Variants in IFT122 observed in about 807,000 individuals in gnomAD.
IFT122 encodes the protein intraflagellar transport 122.
In IFT122, 118 loss-of-function variants were observed where a neutral mutation model predicts 161.6. The ratio of observed to expected loss-of-function variants is 0.73; its 90% CI spans 0.63 to 0.85. The LOEUF (loss-of-function observed/expected upper bound fraction) is 0.85, where lower values mean the gene tolerates loss of function less well. IFT122 is among the 40% of genes least tolerant of loss of function. The probability of loss-of-function intolerance (pLI) is 0.00; values close to 1 mark genes in which losing one functional copy is unlikely to be tolerated. For missense variants in IFT122, 1,381 were observed against 1,579.6 expected, an observed-to-expected ratio of 0.87 and a Z score of 2.13; for synonymous variants, 550 against 602.4, an observed-to-expected ratio of 0.91 and a Z score of 1.27.
chr3:129,515,987 C>G (rs1000297029), intron 26 of IFT122, among the ~76,000 whole-genome samples: 10 of 152,070 alleles, frequency 6.6e-5, no homozygotes, highest in Non-Finnish European at 1.5e-4. Flanking sequence ...GCCACACACA[C>G]ACACAGACAC....
rs1230132665 is a variant in IFT122 at position 129,515,619 on chromosome 3, G to A, written c.3265+20G>A. 5.5e-6 allele frequency: 8 copies of A among 1,464,720 alleles called. No homozygotes were observed. The highest frequency in any genetic ancestry group is 7.7e-6 in the Non-Finnish European group (8 of 1,045,596). The allele number at this position is 1,464,720 out of a possible 1,614,324, so 90.7% of individuals were successfully genotyped here. A position where few individuals can be genotyped will look rare whatever the true frequency, so the allele number is the denominator to read the frequency against. ...CCTACGGTGAGTCCCTGCATCCTGA[G>A]CATGTGGGTGGGACAGCCTGTGGAC... On this transcript the variant is annotated intron_variant, in intron 26 of 29. Transcript: ENST00000348417.
intron 16 of IFT122, among the ~76,000 whole-genome samples, chr3:129,490,901 C>G (rs1167944124): frequency 6.6e-6 from 1 of 152,222 alleles, no homozygotes; most frequent in African/African-American, 2.4e-5. Context: ...GGTTCTGACT[C>G]TGATGCCTCC....
intron 4 of IFT122, chr3:129,459,517 C>T: frequency 4.0e-6 from 1 of 247,396 alleles, no homozygotes; most frequent in South Asian, 3.5e-5. Context: ...TCTCGATCTC[C>T]TGACTACATC....
intron 25 of IFT122, chr3:129,515,263 T>G (rs2083345805): frequency 1.6e-6 from 1 of 618,522 alleles, no homozygotes; most frequent in African/African-American, 1.8e-5. Context: ...CCTGTGCAGG[T>G]GTCTTGGGCA....
At chr3:129,494,077 G>A (rs1458843635) in intron 17 of IFT122, among the ~76,000 whole-genome samples, 3 of 152,160 alleles carry the variant, frequency 2.0e-5, no homozygotes, top group Non-Finnish European at 1.5e-5. Context: ...CTGCTGACGG[G>A]GGGAAAGAAC....
chr3:129,512,445 C>G, intron 24 of IFT122, 33 bp downstream of exon 24: 1 of 1,436,928 alleles, frequency 7.0e-7, no homozygotes, highest in Non-Finnish European at 9.8e-7. Flanking sequence ...TCCGTCCCAC[C>G]ACCGTTCTTG....
At chr3:129,441,375 T>G (rs533800174) in intron 1 of IFT122, among the ~76,000 whole-genome samples, 2 of 152,302 alleles carry the variant, frequency 1.3e-5, no homozygotes, top group South Asian at 4.2e-4. Context: ...TGTTCGGCAC[T>G]AGTGGTAGCT....
intron 21 of IFT122, among the ~76,000 whole-genome samples, chr3:129,505,374 A>G (rs938713262): frequency 6.6e-6 from 1 of 152,234 alleles, no homozygotes; most frequent in African/African-American, 2.4e-5. Context: ...TGCAGAACAA[A>G]TGTCTCCCTG....
At chr3:129,447,775 C>T (rs969135685) in intron 1 of IFT122, among the ~76,000 whole-genome samples, 6 of 152,054 alleles carry the variant, frequency 3.9e-5, no homozygotes, top group South Asian at 4.1e-4. Context: ...CCTCCCAAAA[C>T]GCTGGGATTA....
chr3:129,448,538 A>T (rs963347431), intron 1 of IFT122, among the ~76,000 whole-genome samples: 2 of 152,096 alleles, frequency 1.3e-5, no homozygotes, highest in African/African-American at 4.8e-5. Context: ...GGCCAGCGCC[A>T]TGTTGCCCGT....
At chr3:129,500,108 T>A (rs773399824) in intron 19 of IFT122, 40 bp downstream of exon 19, 2 of 1,602,956 alleles carry the variant, frequency 1.2e-6, no homozygotes. Flanking sequence ...TTTGGCAGCA[T>A]GTCATCACAT....
At chr3:129,506,909 C>G (rs2082248611) in intron 22 of IFT122, among the ~76,000 whole-genome samples, 1 of 152,164 alleles carries the variant, frequency 6.6e-6, no homozygotes, top group Non-Finnish European at 1.5e-5. Context: ...GTAACACACT[C>G]CAGATTCTTA....
rs146818399 is a variant in IFT122 at position 129,506,507 on chromosome 3, T to G, written c.2749T>G (p.Tyr917Asp). ...GAGCAGGTTTAATGATGCTGCCTAT[T>G]ATTACTGGATGCTGTCCATGCAGTG... Reference protein sequence around the residue: ...AESRFNDAAYYYWMLSMQCLD... With the variant: ...AESRFNDAAYDYWMLSMQCLD... Residue 917 changes from tyrosine (Y) to aspartate (D), a missense_variant, in exon 22 of 30, where the codon TAT becomes GAT. Tyr to Asp is a radical substitution (Grantham distance 160, BLOSUM62 -3). Around this residue, in one of 7 missense-constraint regions of IFT122, gnomAD observed 496 missense variants for 502.5 expected, o/e 0.99. Transcript: ENST00000348417. The G allele has an allele frequency of 1.6e-4, 251 of 1,614,236 alleles. 1 individual carries two copies. In the African/African-American group the frequency reaches 2.7e-3, roughly 17 times the overall value.
chr3:129,456,090 C>G, intron 3 of IFT122: 1 of 471,180 alleles, frequency 2.1e-6, no homozygotes, highest in South Asian at 1.5e-5. Flanking sequence ...TAAATACTAA[C>G]ATTGTATCCA....
At chr3:129,472,512 A>G (rs1302160619) in intron 9 of IFT122, among the ~76,000 whole-genome samples, 1 of 152,120 alleles carries the variant, frequency 6.6e-6, no homozygotes, top group African/African-American at 2.4e-5. Flanking sequence ...TAAAGTGTAT[A>G]TTATTTAAGG....
At chr3:129,518,557 A>T (rs773078491) in intron 27 of IFT122, among the ~76,000 whole-genome samples, 4 of 152,122 alleles carry the variant, frequency 2.6e-5, no homozygotes, top group Non-Finnish European at 5.9e-5. Flanking sequence ...GGTGCCACAG[A>T]TGATATGTGC....
chr3:129,512,288 C>T, intron 23 of IFT122, 24 bp from the exon 24 acceptor site: 1 of 1,551,862 alleles, frequency 6.4e-7, no homozygotes, highest in Non-Finnish European at 8.9e-7. Context: ...AACTCAATCC[C>T]TGTTTGCTTT....
At chr3:129,459,072 C>A (rs1423731107) in intron 4 of IFT122, among the ~76,000 whole-genome samples, 2 of 152,170 alleles carry the variant, frequency 1.3e-5, no homozygotes, top group African/African-American at 4.8e-5. Context: ...CTGCCGTGTT[C>A]TTCCCCTGTT....
intron 19 of IFT122, among the ~76,000 whole-genome samples, chr3:129,500,695 A>G (rs1490185774): frequency 1.3e-5 from 2 of 152,216 alleles, no homozygotes; most frequent in Non-Finnish European, 2.9e-5. Context: ...CAGGAAGTAC[A>G]GCAGAAACAC....
Sources: gnomAD v4.1 joint callset for allele counts (sites outside exome capture counted in the v4.1 genomes callset) on GRCh38, gnomAD v4.1.1 for gene constraint, gnomAD v4.1.1 regional missense constraint, MANE v1.5 for transcripts, NCBI Gene and HGNC (gene_info 2026-07-23, HGNC 2026-07-21) for gene names.